Variants in MTRES1 observed in about 807,000 individuals in gnomAD.
MTRES1 encodes mitochondrial transcription rescue factor 1.
In MTRES1, 11 loss-of-function variants were observed where a neutral mutation model predicts 17.4. The ratio of observed to expected loss-of-function variants is 0.63; its 90% confidence interval spans 0.40 to 1.05. MTRES1 has a LOEUF of 1.05. Ranked by LOEUF, MTRES1 falls within the 50% of genes least tolerant of loss-of-function variation. The probability of loss-of-function intolerance (pLI) is 0.00; values close to 1 mark genes in which losing one functional copy is unlikely to be tolerated. For synonymous variants in MTRES1, 94 were observed against 99.6 expected (o/e 0.94, Z 0.34); for missense variants, 268 against 276.2 (o/e 0.97, Z 0.21).
chr6:107,050,427 C>T (rs141217601), intron 3 of MTRES1, among the ~76,000 whole-genome samples: 9 of 152,250 alleles, frequency 5.9e-5, no homozygotes, highest in African/African-American at 2.2e-4. Flanking sequence ...CCTTAAGTCA[C>T]CCAATAGATG....
At position 107,051,053 on chromosome 6, in the gene MTRES1, T is replaced by G. The variant is rs146122461; in HGVS notation, c.544-4T>G. On this transcript the variant is annotated splice_region_variant and splice_polypyrimidine_tract_variant and intron_variant, in intron 3 of 3. Transcript: ENST00000311381. Reference sequence around the variant, plus strand: ...CCAAGCCTCTGTTTTCTTTTAATTTTCAGGTGAAAGTGGGAGATACATTGG... The same window carrying G: ...CCAAGCCTCTGTTTTCTTTTAATTTGCAGGTGAAAGTGGGAGATACATTGG... 209 of 1,604,728 alleles carry G rather than the reference T, an allele frequency of 1.3e-4. No individual in the cohort carries two copies. The African/African-American group carries it at 2.6e-3, about 20-fold the overall frequency.
rs782131098 is a variant in MTRES1, at chr6:107,051,209, G to T, written c.696G>T (p.Lys232Asn). ...TGTTACGGCGGTGGAAAAGTTTAAA[G>T]TTGCCTAAGAAGAGAATGTCTAAAT... is the stretch of plus-strand genomic sequence containing the variant. ...RVVLRRWKSL[K>N]LPKKRMSK Residue 232 changes from lysine (K) to asparagine (N), a missense_variant, in exon 4 of 4, where the codon AAG becomes AAT. Physicochemically the swap from Lys to Asn is moderately conservative, Grantham distance 94. Coordinates refer to ENST00000311381, the MANE Select transcript of MTRES1 (RefSeq NM_016487.5). 6.2e-6 allele frequency: 10 copies of T among 1,613,790 alleles called. No individual in the cohort carries two copies. The highest frequency in any genetic ancestry group is 5.9e-6 in the Non-Finnish European group (7 of 1,179,944).
rs781857214 is a variant in MTRES1 at position 107,040,182 on chromosome 6, C to G, written c.422C>G (p.Ser141Cys). ...NYKDLEKAVQ[S>C]FRYDVVLKTG... Reference sequence around the variant, plus strand: ...AAAGACCTGGAAAAAGCAGTTCAGTCTTTTCGGTATGATGTTGTCCTGAAG... The same window carrying G: ...AAAGACCTGGAAAAAGCAGTTCAGTGTTTTCGGTATGATGTTGTCCTGAAG... The change falls in exon 2 of 4, where the codon TCT (serine) becomes TGT (cysteine). Residue 141 changes from serine to cysteine, a missense_variant. Ser to Cys is a moderately radical substitution (Grantham distance 112). Coordinates refer to ENST00000311381, the MANE Select transcript of MTRES1 (RefSeq NM_016487.5). 9 of 1,610,154 alleles carry G rather than the reference C, an allele frequency of 5.6e-6. No individual in the cohort carries two copies. The highest frequency in any genetic ancestry group is 7.6e-6 in the Non-Finnish European group (9 of 1,179,228).
rs1364062374 is a variant in MTRES1 at position 107,040,246 on chromosome 6, A to G, written c.470+16A>G. On this transcript the variant is annotated intron_variant, in intron 2 of 3. Coordinates refer to ENST00000311381, the MANE Select transcript of MTRES1 (RefSeq NM_016487.5). ...TTGGGAGAAAGTGAGTATGATACGCATTTCATTATAAACTCGCTCGTAGTC... is the reference window on the plus strand; with the variant it reads ...TTGGGAGAAAGTGAGTATGATACGCGTTTCATTATAAACTCGCTCGTAGTC... The G allele has an allele frequency of 6.4e-7, 1 of 1,564,002 alleles. No individual in the cohort carries two copies. Among genetic ancestry groups the G allele is most frequent in the Non-Finnish European group, 8.6e-7 (1 of 1,161,006 alleles).
intron 1 of MTRES1, among the ~76,000 whole-genome samples, chr6:107,034,436 C>G (rs1045177227): frequency 2.1e-5 from 3 of 143,646 alleles, no homozygotes; most frequent in African/African-American, 7.8e-5. Context: ...TGGTATTGCA[C>G]TGGTTGGTGA....
rs1301739118 is a variant in MTRES1, at chr6:107,046,960, GTGTGTGTGTGTGTGTGTA to G, written c.543+2630_543+2647del. Among the ~76,000 whole-genome samples, 5 of 105,854 alleles carry G rather than the reference GTGTGTGTGTGTGTGTGTA, an allele frequency of 4.7e-5. No homozygotes were observed. In the South Asian group the frequency reaches 1.3e-3, roughly 28 times the overall value. 69.4% of individuals were successfully genotyped at this position (105,854 alleles called of 152,430 possible). A position where few individuals can be genotyped will look rare whatever the true frequency, so the allele number is the denominator to read the frequency against. On this transcript the variant is annotated intron_variant, in intron 3 of 3. Coordinates refer to ENST00000311381, the MANE Select transcript of MTRES1 (RefSeq NM_016487.5). The stretch of plus-strand genomic sequence containing the variant: ...TGTGTGTGTGTGTGTGTGTGTGTGT[GTGTGTGTGTGTGTGTGTA>G]TTTTTAGTAGAGACGGGGTTTCACT...
chr6:107,036,907 C>T (rs1258865809), intron 1 of MTRES1, among the ~76,000 whole-genome samples: 2 of 151,016 alleles, frequency 1.3e-5, no homozygotes, highest in South Asian at 2.1e-4. Context: ...ACTCTTTTGG[C>T]ATGAAATCTT....
At chr6:107,049,904 A>G (rs530206894) in intron 3 of MTRES1, among the ~76,000 whole-genome samples, 1 of 152,118 alleles carries the variant, frequency 6.6e-6, no homozygotes, top group South Asian at 2.1e-4. Flanking sequence ...TATTTTTAGT[A>G]GAGACGGGGT....
At chr6:107,044,975 G>T (rs973188554) in intron 3 of MTRES1, among the ~76,000 whole-genome samples, 1 of 152,178 alleles carries the variant, frequency 6.6e-6, no homozygotes, top group Non-Finnish European at 1.5e-5. Context: ...GATCGCTTGA[G>T]CCCAGGAGTT....
chr6:107,038,913 A>G (rs311205), intron 1 of MTRES1, among the ~76,000 whole-genome samples: 143,306 of 152,000 alleles, frequency 0.94, 67,785 homozygotes, highest in East Asian at 1. Flanking sequence ...AATTAGCTGG[A>G]CGTGGTGGTG....
chr6:107,049,482 C>T (rs1302825613), intron 3 of MTRES1, among the ~76,000 whole-genome samples: 2 of 132,876 alleles, frequency 1.5e-5, no homozygotes, highest in Admixed American at 8.7e-5. Context: ...GGCGAGATCT[C>T]GGCTCACTGC....
At chr6:107,028,362 G>C (rs1773708489) in intron 1 of MTRES1, 91 bp downstream of exon 1, 1 of 152,396 alleles carries the variant, frequency 6.6e-6, no homozygotes, top group African/African-American at 2.4e-5. Flanking sequence ...CTCCCGCCGG[G>C]TCTCCCCGTG....
chr6:107,041,671 G>A (rs528989300), intron 2 of MTRES1, among the ~76,000 whole-genome samples: 2 of 151,992 alleles, frequency 1.3e-5, no homozygotes, highest in South Asian at 2.1e-4. Context: ...GAATACAGGC[G>A]CCCACCACCA....
At chr6:107,043,939 C>T (rs1474420101) in intron 2 of MTRES1, among the ~76,000 whole-genome samples, 3 of 152,124 alleles carry the variant, frequency 2.0e-5, no homozygotes, top group Non-Finnish European at 4.4e-5. Flanking sequence ...CCAGCCTGGC[C>T]GACATAGTGA....
chr6:107,044,567 A>T (rs1465613042), intron 3 of MTRES1, among the ~76,000 whole-genome samples: 2 of 152,178 alleles, frequency 1.3e-5, no homozygotes, highest in Non-Finnish European at 2.9e-5. Context: ...ATTTTAGAAT[A>T]CACCACTGTT....
At chr6:107,037,644 C>T (rs9320199) in intron 1 of MTRES1, among the ~76,000 whole-genome samples, 19,134 of 152,264 alleles carry the variant, frequency 0.13, 1,688 homozygotes, top group East Asian at 0.35. Context: ...TAATTATTGG[C>T]AACATTTCTC....
At chr6:107,033,260 G>A (rs538078560) in intron 1 of MTRES1, among the ~76,000 whole-genome samples, 1 of 152,244 alleles carries the variant, frequency 6.6e-6, no homozygotes, top group African/African-American at 2.4e-5. Flanking sequence ...AATGTGTAGT[G>A]TTGGTGCAAC....
intron 1 of MTRES1, among the ~76,000 whole-genome samples, chr6:107,035,468 T>A (rs1554226854): frequency 1.3e-5 from 2 of 151,958 alleles, no homozygotes. Context: ...AACACAGACT[T>A]CCTGGGGATG....
At chr6:107,038,786 G>A (rs1554227191) in intron 1 of MTRES1, among the ~76,000 whole-genome samples, 1 of 152,152 alleles carries the variant, frequency 6.6e-6, no homozygotes, top group African/African-American at 2.4e-5. Context: ...CAGGCGTGGT[G>A]GCTCACGCCT....
Sources: gnomAD v4.1 joint callset for allele counts (sites outside exome capture counted in the v4.1 genomes callset) on GRCh38, gnomAD v4.1.1 for gene constraint, MANE v1.5 for transcripts, NCBI Gene and HGNC (gene_info 2026-07-23, HGNC 2026-07-21) for gene names.